The following GARNL3 variants were observed in gnomAD, a reference collection of about 807,000 sequenced individuals.
GARNL3 encodes the protein GTPase-activating Rap/Ran-GAP domain-like protein 3.
A neutral mutation model predicts 125.0 loss-of-function variants in GARNL3; 63 were observed. That is an observed-to-expected ratio of 0.50 (90% CI 0.41 to 0.62). The LOEUF (loss-of-function observed/expected upper bound fraction) is 0.62, where lower values mean the gene tolerates loss of function less well. Ranked by LOEUF, GARNL3 falls within the 20% of genes least tolerant of loss-of-function variation. GARNL3 has a pLI of 0.00. For synonymous variants in GARNL3, 439 were observed against 457.5 expected (o/e 0.96, Z 0.52); for missense variants, 994 against 1,244.0 (o/e 0.80, Z 3.02).
At chr9:127,243,091 G>A (rs1399769122) in exon 2 of GARNL3, 1 of 1,360,190 alleles carries the variant, frequency 7.4e-7, no homozygotes, top group Non-Finnish European at 9.8e-7. Flanking sequence ...CAGCTGCCCA[G>A]CCTCCAGGCC....
intron 1 of GARNL3, among the ~76,000 whole-genome samples, chr9:127,268,208 A>T (rs1240879595): frequency 6.6e-6 from 1 of 152,202 alleles, no homozygotes; most frequent in Non-Finnish European, 1.5e-5. Flanking sequence ...CCGTGTCCCC[A>T]GGCTGTGTTG....
At chr9:127,316,005 T>G (rs527427273) in intron 4 of GARNL3, among the ~76,000 whole-genome samples, 1 of 152,296 alleles carries the variant, frequency 6.6e-6, no homozygotes, top group African/African-American at 2.4e-5. Flanking sequence ...ACCTGTGCAT[T>G]TGATGCTTCC....
intron 2 of GARNL3, among the ~76,000 whole-genome samples, chr9:127,252,848 G>A (rs1375280965): frequency 2.0e-5 from 3 of 152,162 alleles, no homozygotes; most frequent in Non-Finnish European, 2.9e-5. Flanking sequence ...GTGTCAGTCA[G>A]TTCCACTTAA....
rs2131475414 is a variant in GARNL3, at chr9:127,313,658, C to CA, written c.438+99_438+100insA. 8.5e-6 allele frequency: 7 copies of CA among 828,094 alleles called. 1 individual carries two copies. Among genetic ancestry groups the CA allele is most frequent in the South Asian group, 8.4e-5 (6 of 71,798 alleles). 51.3% of individuals were successfully genotyped at this position (828,094 alleles called of 1,614,324 possible). Reference sequence around the variant, plus strand: ...GTGTGCCAGTTTCTTCCAGGGCATGCCTCATAGTCTTCTCGTGATTCACCT... The same window carrying CA: ...GTGTGCCAGTTTCTTCCAGGGCATGCACTCATAGTCTTCTCGTGATTCACCT... On this transcript the variant is annotated intron_variant, in intron 4 of 27. Transcript: ENST00000373387.
At chr9:127,326,585 A>C (rs765180629) in intron 7 of GARNL3, among the ~76,000 whole-genome samples, 5 of 152,178 alleles carry the variant, frequency 3.3e-5, no homozygotes, top group Non-Finnish European at 5.9e-5. Flanking sequence ...CTAATATATA[A>C]TACACCTAAT....
intron 1 of GARNL3, chr9:127,224,661 G>C (rs1275151886): frequency 3.3e-5 from 5 of 152,956 alleles, no homozygotes; most frequent in African/African-American, 1.2e-4. Flanking sequence ...CGAACTCCAA[G>C]GGACGACGCT....
Position 127,240,492 on chromosome 9 carries a change from G to A in GARNL3, c.-28-2587G>A, listed in dbSNP as rs143774538. On this transcript the variant is annotated intron_variant, in intron 1 of 10. Coordinates refer to the GARNL3 transcript ENST00000439286. ...TGAGGCTGCAGGAAATGGAAGCCTCGCCCCTTGTCTCAGGTGGGGACAACT... is the reference window on the plus strand; with the variant it reads ...TGAGGCTGCAGGAAATGGAAGCCTCACCCCTTGTCTCAGGTGGGGACAACT... 7.2e-5 allele frequency among the ~76,000 whole-genome samples: 11 copies of A among 152,280 alleles called. No individual in the cohort carries two copies. In the East Asian group the frequency reaches 1.3e-3, roughly 19 times the overall value.
At chr9:127,327,193 T>C (rs1221587670) in intron 7 of GARNL3, among the ~76,000 whole-genome samples, 1 of 152,240 alleles carries the variant, frequency 6.6e-6, no homozygotes, top group Non-Finnish European at 1.5e-5. Context: ...GCATGTACCA[T>C]GTACTGTTTG....
Position 127,385,223 on chromosome 9 carries a change from C to T in GARNL3, c.2388+78C>T. ...TGGGATTTCAGGTGAGCACAGAAGC[C>T]GCCTCTTGTCAAGTTAGGCTGATGA... On this transcript the variant is annotated intron_variant, in intron 24 of 27. Coordinates refer to ENST00000373387, the MANE Select transcript of GARNL3 (RefSeq NM_032293.5). This position sits in a 1 kb window ranked among gnomAD's most constrained non-coding sequence, Gnocchi z 4.1. The T allele has an allele frequency of 1.2e-6, 1 of 801,140 alleles. No individual in the cohort carries two copies. The highest frequency in any genetic ancestry group is 1.9e-5 in the South Asian group (1 of 53,226). The allele number at this position is 801,140 out of a possible 1,614,324, so 49.6% of individuals were successfully genotyped here.
intron 1 of GARNL3, among the ~76,000 whole-genome samples, chr9:127,285,299 T>C (rs1001654630): frequency 1.4e-4 from 21 of 152,180 alleles, no homozygotes; most frequent in African/African-American, 5.1e-4. Context: ...GGCATGATGG[T>C]GCATGCCTGT....
At chr9:127,304,517 T>C (rs779029994) in intron 2 of GARNL3, among the ~76,000 whole-genome samples, 13 of 146,340 alleles carry the variant, frequency 8.9e-5, no homozygotes, top group East Asian at 8.0e-4. Flanking sequence ...AAAATGGTCA[T>C]AGTGGCTTTA....
At chr9:127,226,960 G>A (rs1338506368) in intron 1 of GARNL3, among the ~76,000 whole-genome samples, 1 of 152,214 alleles carries the variant, frequency 6.6e-6, no homozygotes, top group Non-Finnish European at 1.5e-5. Flanking sequence ...CGCAGTGATG[G>A]AAACCTATAA....
At chr9:127,240,122 A>G (rs1588668420) in intron 1 of GARNL3, among the ~76,000 whole-genome samples, 1 of 152,220 alleles carries the variant, frequency 6.6e-6, no homozygotes, top group Non-Finnish European at 1.5e-5. Context: ...AGAACATTGT[A>G]TAGTCCAAGC....
chr9:127,370,386 T>C (rs1831544587), intron 22 of GARNL3, among the ~76,000 whole-genome samples: 1 of 152,164 alleles, frequency 6.6e-6, no homozygotes, highest in African/African-American at 2.4e-5. Context: ...CAGGATGCCG[T>C]TGAAAGTGTG....
At chr9:127,313,400 G>A (rs377305601) in intron 3 of GARNL3, 41 bp from the exon 4 acceptor site, 2 of 1,382,576 alleles carry the variant, frequency 1.4e-6, no homozygotes, top group South Asian at 2.3e-5. Flanking sequence ...TGGCTGGCAG[G>A]ATCAGTTGCA....
chr9:127,264,654 C>A (rs1432912689), upstream of GARNL3: 43 of 1,169,134 alleles, frequency 3.7e-5, no homozygotes, highest in Non-Finnish European at 4.4e-5. Flanking sequence ...AAATTATAAA[C>A]CACCAGTAAC....
chr9:127,323,727 G>A (rs2065474239), intron 6 of GARNL3, among the ~76,000 whole-genome samples: 1 of 142,368 alleles, frequency 7.0e-6, no homozygotes. Flanking sequence ...TCCTCCACCT[G>A]TGATTCAGGA....
intron 2 of GARNL3, among the ~76,000 whole-genome samples, chr9:127,303,982 A>G (rs1369681947): frequency 6.6e-6 from 1 of 152,226 alleles, no homozygotes; most frequent in Non-Finnish European, 1.5e-5. Context: ...GCCTGAATGC[A>G]GCATGGAGCA....
rs537413794 is a variant in GARNL3 at position 127,369,599 on chromosome 9, C to T, written c.2161+4233C>T. Reference sequence around the variant, plus strand: ...CAGGCGAGGCCTGTCTGAGAGGGACCCTTGGACCCAGCGAGGTGGAGGTCA... The same window carrying T: ...CAGGCGAGGCCTGTCTGAGAGGGACTCTTGGACCCAGCGAGGTGGAGGTCA... On this transcript the variant is annotated intron_variant, in intron 22 of 27. Transcript: ENST00000373387. Among the ~76,000 whole-genome samples the T allele has an allele frequency of 8.5e-5, 13 of 152,250 alleles. No individual in the cohort carries two copies. The South Asian group carries it at 2.5e-3, about 29-fold the overall frequency.
Sources: allele counts gnomAD v4.1 joint callset (sites outside exome capture counted in the v4.1 genomes callset), GRCh38; gene constraint gnomAD v4.1.1; non-coding constraint Gnocchi (gnomAD v3.1); transcripts MANE v1.5; gene names NCBI Gene and HGNC (gene_info 2026-07-23, HGNC 2026-07-21).